Variants in NPHS1 observed in about 807,000 individuals in gnomAD.
NPHS1 encodes nephrin.
Under a neutral mutation model 139.7 loss-of-function variants are expected in NPHS1, and 107 were observed. That is an observed-to-expected ratio of 0.77 (90% CI 0.66 to 0.90). NPHS1 has a LOEUF of 0.90. NPHS1 is among the 40% of genes least tolerant of loss of function. NPHS1 has a pLI of 0.00. For synonymous variants in NPHS1, 707 were observed against 706.6 expected (o/e 1.00, Z -0.01); for missense variants, 1,580 against 1,654.2 (o/e 0.96, Z 0.78).
chr19:35,829,731 G>T (rs10417173), intron 28 of NPHS1, among the ~76,000 whole-genome samples: 14,251 of 151,950 alleles, frequency 0.094, 713 homozygotes, highest in African/African-American at 0.12. Flanking sequence ...TAGAAATGGG[G>T]TTTCACCATG....
intron 5 of NPHS1, among the ~76,000 whole-genome samples, chr19:35,850,014 C>T (rs1973211704): frequency 6.6e-6 from 1 of 152,206 alleles, no homozygotes; most frequent in African/African-American, 2.4e-5. Context: ...TTCTTGGGTT[C>T]AAGTGATTCT....
chr19:35,841,880 A>G lies in NPHS1; in HGVS notation c.2664-14T>C. The G allele has an allele frequency of 6.2e-7, 1 of 1,600,090 alleles. No homozygotes were observed. Among genetic ancestry groups the G allele is most frequent in the Non-Finnish European group, 8.5e-7 (1 of 1,172,996 alleles). On this transcript the variant is annotated splice_polypyrimidine_tract_variant and intron_variant, in intron 19 of 28. Transcript: ENST00000378910. ...TGCTCCGTGTACCTAGAGAGAAGGT[A>G]GGGCACCACTCACCCTTCCATTCAC...
Position 35,826,485 on chromosome 19 carries a change from G to A in NPHS1, c.*29C>T. On this transcript the variant is annotated 3_prime_UTR_variant, in exon 29 of 29. Coordinates refer to ENST00000378910, the MANE Select transcript of NPHS1 (RefSeq NM_004646.4). ...GACCAGTGGAGTGTAAATTCCTGCA[G>A]GTGCAGGACAATGGGGTTGAGAGGG... 2 of 1,611,732 alleles carry A rather than the reference G, an allele frequency of 1.2e-6. No individual in the cohort carries two copies. The highest frequency in any genetic ancestry group is 1.7e-6 in the Non-Finnish European group (2 of 1,178,786).
rs370835775 is a variant in NPHS1 at position 35,848,300 on chromosome 19, G to C, written c.1268C>G (p.Ala423Gly). ...LTLTCEAFSE[A>G]FTKETFKKSL... ...CTTCTTGAAGGTCTCCTTGGTGAAG[G>C]CTTCACTGAAGGCCTCACATGTGAG... The change falls in exon 10 of 29, where the codon GCC becomes GGC. Residue 423 changes from alanine to glycine, a missense_variant. By Grantham distance (60) the Ala-to-Gly change is moderately conservative. Coordinates refer to ENST00000378910, the MANE Select transcript of NPHS1 (RefSeq NM_004646.4). The C allele has an allele frequency of 1.9e-6, 3 of 1,613,998 alleles. No individual in the cohort carries two copies. In the African/African-American group the frequency reaches 4.0e-5, roughly 22 times the overall value.
In NPHS1 at chr19:35,845,908, T is replaced by C; in HGVS notation, c.1627+100A>G. On this transcript the variant is annotated intron_variant, in intron 12 of 28. Transcript: ENST00000378910. This position sits in a 1 kb window ranked among gnomAD's most constrained non-coding sequence, Gnocchi z 5.5. The stretch of plus-strand genomic sequence containing the variant: ...CCAGTCTCGGGTCCCCCACCCCGCC[T>C]CCGCCCGCTTTCCCCGGGTCCAGGG... The C allele has an allele frequency of 6.6e-7, 1 of 1,522,604 alleles. No individual in the cohort carries two copies. 94.3% of individuals were successfully genotyped at this position (1,522,604 alleles called of 1,614,324 possible).
Position 35,845,607 on chromosome 19 carries a change from C to G in NPHS1, c.1757+62G>C, listed in dbSNP as rs1973127795. On this transcript the variant is annotated intron_variant, in intron 13 of 28. Coordinates refer to ENST00000378910, the MANE Select transcript of NPHS1 (RefSeq NM_004646.4). This position sits in a 1 kb window ranked among gnomAD's most constrained non-coding sequence, Gnocchi z 5.5. ...AGGCTGGAGAGGCACTAGGCGGGGG[C>G]GGGACATGCGTGGAGGGGGCGAGGC... 6.3e-7 allele frequency: 1 copy of G among 1,599,008 alleles called. No homozygotes were observed. Among genetic ancestry groups the G allele is most frequent in the Middle Eastern group, 1.7e-4 (1 of 6,004 alleles).
Position 35,852,007 on chromosome 19 carries a change from ATCTC to A in NPHS1, c.-174_-171del, listed in dbSNP as rs1218960259. On this transcript the variant is annotated 5_prime_UTR_variant, in exon 1 of 29. Transcript: ENST00000378910. ...TCCTCTTCCCCTCTTCCCTGTGAGT[ATCTC>A]TCTCTGTCTTGCTCTCAGTCTCAAT... is the stretch of plus-strand genomic sequence containing the variant. 2.7e-5 allele frequency among the ~76,000 whole-genome samples: 4 copies of A among 149,898 alleles called. No homozygotes were observed. The highest frequency in any genetic ancestry group is 5.9e-5 in the Non-Finnish European group (4 of 67,422).
In NPHS1 at chr19:35,842,421, C is replaced by G; in HGVS notation, c.2464G>C (p.Val822Leu). ...AGCAGCCGTCGTGCTGGAGGCGCCA[C>G]CCCATTGTCCACAATGCACTGGTAA... Reference protein sequence around the residue: ...GAYQCIVDNGVAPPARRLLRL... With the variant: ...GAYQCIVDNGLAPPARRLLRL... The change falls in exon 18 of 29, where the codon GTG becomes CTG. Residue 822 changes from valine (V) to leucine (L), a missense_variant. Transcript: ENST00000378910. 1 of 1,614,144 alleles carries G rather than the reference C, an allele frequency of 6.2e-7. No homozygotes were observed. Among genetic ancestry groups the G allele is most frequent in the African/African-American group, 1.3e-5 (1 of 75,020 alleles).
In NPHS1 at chr19:35,830,837, T is replaced by G; in HGVS notation, c.3594+7A>C. The stretch of plus-strand genomic sequence containing the variant: ...GGAAGGATGGTTGCTGATGCAAAGC[T>G]TCTCACCATCTGCACTTCATCGTAG... On this transcript the variant is annotated splice_region_variant and intron_variant, in intron 28 of 28. Coordinates refer to ENST00000378910, the MANE Select transcript of NPHS1 (RefSeq NM_004646.4). 6.5e-7 allele frequency: 1 copy of G among 1,545,856 alleles called. No individual in the cohort carries two copies. Among genetic ancestry groups the G allele is most frequent in the Non-Finnish European group, 8.9e-7 (1 of 1,117,606 alleles).
chr19:35,831,455 C>A, intron 25 of NPHS1, 21 bp downstream of exon 25: 1 of 1,613,820 alleles, frequency 6.2e-7, no homozygotes. Flanking sequence ...GCCTTCTTTA[C>A]AGAAAAATAT....
chr19:35,850,029 C>T (rs1973212134), intron 5 of NPHS1, among the ~76,000 whole-genome samples: 1 of 152,198 alleles, frequency 6.6e-6, no homozygotes, highest in Admixed American at 6.5e-5. Flanking sequence ...GATTCTCCTG[C>T]CTCAGCCCCC....
rs1973176439 is a variant in NPHS1 at position 35,848,395 on chromosome 19, TC to T, written c.1172del (p.Gly391AspfsTer12). 6.2e-7 allele frequency: 1 copy of T among 1,614,080 alleles called. No individual in the cohort carries two copies. Among genetic ancestry groups the T allele is most frequent in the Non-Finnish European group, 8.5e-7 (1 of 1,180,014 alleles). On this transcript the variant is annotated frameshift_variant and splice_region_variant, in exon 10 of 29. Transcript: ENST00000378910. LOFTEE classifies it high-confidence loss of function. ...LLPMEETVMD[G>X]LHGGHISMSN... ...ACATGGAGATGTGACCGCCATGCAGTCCCTGGCAGGGAGTGAGCTTCAGACG... is the reference window on the plus strand; with the variant it reads ...ACATGGAGATGTGACCGCCATGCAGTCCTGGCAGGGAGTGAGCTTCAGACG...
intron 28 of NPHS1, among the ~76,000 whole-genome samples, chr19:35,827,483 G>C (rs1429779396): frequency 6.6e-6 from 1 of 151,900 alleles, no homozygotes; most frequent in Non-Finnish European, 1.5e-5. Flanking sequence ...AAAGAAAAAA[G>C]AAAAAACCAG....
rs776072583 is a variant in NPHS1 at position 35,849,237 on chromosome 19, T to C, written c.839A>G (p.Lys280Arg). Residue 280 changes from lysine to arginine, a missense_variant and splice_region_variant, in exon 7 of 29, where the codon AAG (lysine) becomes AGG (arginine). Physicochemically the swap from Lys to Arg is conservative, Grantham distance 26 (BLOSUM62 2). Transcript: ENST00000378910. Reference protein sequence around the residue: ...GNPLATLQWLKNGQPVSTAWG... With the variant: ...GNPLATLQWLRNGQPVSTAWG... ...CCCCATGCCCGCGTTTGCCCTCACCTTCAGCCACTGCAGTGTGGCTAAGGG... is the reference window on the plus strand; with the variant it reads ...CCCCATGCCCGCGTTTGCCCTCACCCTCAGCCACTGCAGTGTGGCTAAGGG... 7.4e-6 allele frequency: 12 copies of C among 1,613,868 alleles called. No individual in the cohort carries two copies. The East Asian group carries it at 2.7e-4, about 36-fold the overall frequency.
At chr19:35,831,234 G>C in intron 26 of NPHS1, 62 bp downstream of exon 26, 1 of 1,605,760 alleles carries the variant, frequency 6.2e-7, no homozygotes. Context: ...TGATGCTAAC[G>C]GCAGGGCTTC....
At chr19:35,851,239 T>A (rs1568457417) in intron 3 of NPHS1, 23 bp downstream of exon 3, 5 of 1,613,522 alleles carry the variant, frequency 3.1e-6, no homozygotes, top group Middle Eastern at 3.3e-4. Context: ...GACTCATGGG[T>A]CCTGGGCGTC....
chr19:35,843,933 T>C lies in NPHS1; in HGVS notation c.2212+170A>G, dbSNP rs937323724. On this transcript the variant is annotated intron_variant, in intron 16 of 28. Transcript: ENST00000378910. ...GAGATTCCACACTGGGTCTCTCTAGTGGGAGGGGTTCCGCAGTGGGCGTGG... is the reference window on the plus strand; with the variant it reads ...GAGATTCCACACTGGGTCTCTCTAGCGGGAGGGGTTCCGCAGTGGGCGTGG... The C allele has an allele frequency of 2.4e-5, 22 of 906,328 alleles. No homozygotes were observed. The African/African-American group carries it at 3.7e-4, about 15-fold the overall frequency. 56.1% of individuals were successfully genotyped at this position (906,328 alleles called of 1,614,324 possible). A position where few individuals can be genotyped will look rare whatever the true frequency, so the allele number is the denominator to read the frequency against.
chr19:35,847,344 CTTTTTTTTTT>C (rs34920536), intron 11 of NPHS1, among the ~76,000 whole-genome samples: 2,312 of 59,838 alleles, frequency 0.039, 99 homozygotes, highest in African/African-American at 0.18. Flanking sequence ...TGTGCCCAGC[CTTTTTTTTTT>C]TTTTTTTTTT....
In NPHS1 at chr19:35,844,242, C is replaced by A; in HGVS notation, c.2073G>T (p.Ala691=). 6.2e-7 allele frequency: 1 copy of A among 1,613,434 alleles called. No homozygotes were observed. Among genetic ancestry groups the A allele is most frequent in the South Asian group, 1.1e-5 (1 of 91,076 alleles). ...WTFRGYRLSP[A]GGPRHRILSS... ...ACAGGATGCGATGCCGGGGGCCGCC[C>A]GCTGGGGAAGGCCAGAATAAGGGAC... The change falls in exon 16 of 29, where the codon GCG becomes GCT. Residue 691 remains alanine (A), a splice_region_variant and synonymous_variant. Coordinates refer to ENST00000378910, the MANE Select transcript of NPHS1 (RefSeq NM_004646.4).
Sources: allele counts gnomAD v4.1 joint callset (sites outside exome capture counted in the v4.1 genomes callset), GRCh38; gene constraint gnomAD v4.1.1; non-coding constraint Gnocchi (gnomAD v3.1); transcripts MANE v1.5; gene names NCBI Gene and HGNC (gene_info 2026-07-23, HGNC 2026-07-21).